Variants in VRK2 observed in about 807,000 individuals in gnomAD.
The protein encoded by VRK2 is serine/threonine-protein kinase VRK2.
VRK2 carries 60 observed loss-of-function variants against 57.6 expected under a neutral mutation model. That is an observed-to-expected ratio of 1.04 (90% CI 0.85 to 1.29). The LOEUF is 1.29. VRK2 is among the 50% of genes most tolerant of loss of function. The pLI is 0.00. For missense variants in VRK2, 705 were observed against 588.1 expected, an observed-to-expected ratio of 1.20 and a Z score of -2.06; for synonymous variants, 231 against 199.2, an observed-to-expected ratio of 1.16 and a Z score of -1.35.
chr2:58,068,860 A>C (rs2103968433), intron 2 of VRK2, among the ~76,000 whole-genome samples: 1 of 150,746 alleles, frequency 6.6e-6, no homozygotes, highest in Admixed American at 6.6e-5. Context: ...TTTTAGTTTC[A>C]AAAACATCAT....
At chr2:58,156,597 T>C (rs1051298814) in intron 12 of VRK2, among the ~76,000 whole-genome samples, 3 of 150,936 alleles carry the variant, frequency 2.0e-5, no homozygotes, top group African/African-American at 7.5e-5. Context: ...TGTTTTGTTT[T>C]GTTTTGTTTT....
At chr2:58,003,504 C>T (rs748221059) in intron 1 of VRK2, among the ~76,000 whole-genome samples, 7 of 151,776 alleles carry the variant, frequency 4.6e-5, no homozygotes, top group African/African-American at 9.7e-5. Flanking sequence ...CCAGGGTTAG[C>T]GTATAAAAAT....
chr2:57,917,262 A>T (rs573687545), intron 1 of VRK2, among the ~76,000 whole-genome samples: 2 of 151,678 alleles, frequency 1.3e-5, no homozygotes, highest in Non-Finnish European at 1.5e-5. Flanking sequence ...AGACCTACTC[A>T]CTCTCTCACT....
Position 58,123,179 on chromosome 2 carries a change from A to G in VRK2, c.622A>G (p.Lys208Glu), listed in dbSNP as rs766496255. ...NHKQYQENPR[K>E]GHNGTIEFTS... ...CAAACAGTATCAGGAAAATCCTAGA[A>G]AAGGCCATAATGGGACAATAGAGTT... The change falls in exon 8 of 13, where the codon AAA becomes GAA. Residue 208 changes from lysine to glutamate, a missense_variant. Physicochemically the swap from Lys to Glu is moderately conservative, Grantham distance 56. Transcript: ENST00000340157. 2.5e-6 allele frequency: 4 copies of G among 1,595,650 alleles called. No homozygotes were observed. The East Asian group carries it at 9.1e-5, about 36-fold the overall frequency.
intron 2 of VRK2, among the ~76,000 whole-genome samples, chr2:58,064,819 A>G (rs1668401191): frequency 6.6e-6 from 1 of 152,128 alleles, no homozygotes; most frequent in African/African-American, 2.4e-5. Flanking sequence ...TTTTTCAAGT[A>G]TACAAGAATT....
chr2:57,937,962 G>A (rs973057168), intron 1 of VRK2, among the ~76,000 whole-genome samples: 19 of 150,780 alleles, frequency 1.3e-4, no homozygotes, highest in Non-Finnish European at 5.9e-5. Flanking sequence ...CTCCCAAGTA[G>A]CTGGGACTAC....
intron 1 of VRK2, among the ~76,000 whole-genome samples, chr2:57,946,348 A>G (rs1671260564): frequency 6.6e-6 from 1 of 152,024 alleles, no homozygotes; most frequent in African/African-American, 2.4e-5. Flanking sequence ...TCAACTTTTT[A>G]TGAGTATTTA....
intron 2 of VRK2, among the ~76,000 whole-genome samples, chr2:58,063,127 A>G (rs1572905893): frequency 6.6e-6 from 1 of 152,052 alleles, no homozygotes. Flanking sequence ...AAATGGAACA[A>G]CAAAGCCTGG....
intron 10 of VRK2, among the ~76,000 whole-genome samples, chr2:58,137,873 C>G (rs1680770142): frequency 1.3e-5 from 2 of 152,158 alleles, no homozygotes; most frequent in South Asian, 4.1e-4. Context: ...AAATCCAGAT[C>G]TTGAAAGACT....
intron 7 of VRK2, among the ~76,000 whole-genome samples, chr2:58,095,820 C>G (rs2104296500): frequency 6.6e-6 from 1 of 152,070 alleles, no homozygotes; most frequent in Non-Finnish European, 1.5e-5. Flanking sequence ...TCATCTTTTA[C>G]TCTTCTTAAT....
At chr2:58,092,884 A>G (rs549409339) in intron 7 of VRK2, among the ~76,000 whole-genome samples, 19 of 152,100 alleles carry the variant, frequency 1.2e-4, no homozygotes, top group African/African-American at 3.1e-4. Flanking sequence ...TCATTGTTCA[A>G]TTCCCACCTA....
At chr2:57,908,484 A>G (rs1669892373) in intron 1 of VRK2, among the ~76,000 whole-genome samples, 1 of 152,094 alleles carries the variant, frequency 6.6e-6, no homozygotes, top group Non-Finnish European at 1.5e-5. Flanking sequence ...GTATTTGATG[A>G]GTGTATGCAT....
chr2:57,960,586 G>A (rs1324078969), intron 1 of VRK2, among the ~76,000 whole-genome samples: 1 of 152,040 alleles, frequency 6.6e-6, no homozygotes, highest in South Asian at 2.1e-4. Context: ...ATTTTCCTAG[G>A]TTCATATCTA....
intron 1 of VRK2, among the ~76,000 whole-genome samples, chr2:58,022,204 A>C (rs1673778655): frequency 6.6e-6 from 1 of 152,216 alleles, no homozygotes; most frequent in Admixed American, 6.5e-5. Context: ...AATGGGTGTC[A>C]CTGCACCCAG....
intron 12 of VRK2, among the ~76,000 whole-genome samples, chr2:58,154,121 A>T: frequency 6.6e-6 from 1 of 151,950 alleles, no homozygotes; most frequent in South Asian, 2.1e-4. Flanking sequence ...AATCCCTTAA[A>T]TGCCTGTGGG....
At chr2:58,008,776 T>G (rs1254047466) in intron 1 of VRK2, among the ~76,000 whole-genome samples, 1 of 152,070 alleles carries the variant, frequency 6.6e-6, no homozygotes, top group Non-Finnish European at 1.5e-5. Flanking sequence ...AAAGAGGATG[T>G]CTTAGTCAAT....
upstream of VRK2, among the ~76,000 whole-genome samples, chr2:58,045,052 G>A (rs1674636089): frequency 2.0e-5 from 3 of 152,324 alleles, no homozygotes; most frequent in South Asian, 4.1e-4. Flanking sequence ...GAGAAATGCT[G>A]TTTAAAGTCA....
At chr2:57,915,008 A>C (rs182362526) in intron 1 of VRK2, among the ~76,000 whole-genome samples, 1 of 152,270 alleles carries the variant, frequency 6.6e-6, no homozygotes, top group Non-Finnish European at 1.5e-5. Context: ...CACACAAAAA[A>C]TACAAGTTTA....
At chr2:58,072,911 T>G (rs1669559271) in intron 2 of VRK2, among the ~76,000 whole-genome samples, 1 of 152,016 alleles carries the variant, frequency 6.6e-6, no homozygotes, top group South Asian at 2.1e-4. Flanking sequence ...ACTATGTAAG[T>G]TTAGATAATT....
Sources: gnomAD v4.1 joint callset for allele counts (sites outside exome capture counted in the v4.1 genomes callset) on GRCh38, gnomAD v4.1.1 for gene constraint, MANE v1.5 for transcripts, NCBI Gene and HGNC (gene_info 2026-07-23, HGNC 2026-07-21) for gene names.